The following KAZN variants were observed in gnomAD, a reference collection of about 807,000 sequenced individuals.
The protein encoded by KAZN is kazrin.
Under a neutral mutation model 87.4 loss-of-function variants are expected in KAZN, and 40 were observed. That is an observed-to-expected ratio of 0.46 (90% CI 0.36 to 0.60). KAZN has a LOEUF of 0.60. KAZN is among the 20% of genes least tolerant of loss of function. KAZN has a pLI of 0.00. For missense variants in KAZN, 898 were observed against 1,073.9 expected (o/e 0.84, Z 2.29); for synonymous variants, 466 against 458.3 (o/e 1.02, Z -0.22).
At chr1:13,893,184 TCGCG>T (rs1557703980) in exon 1 of KAZN, 1 of 152,288 alleles carries the variant, frequency 6.6e-6, no homozygotes, top group Non-Finnish European at 1.5e-5. Context: ...TGGGGCAGCC[TCGCG>T]CCCTGCCTGC....
chr1:14,676,804 G>T (rs1640249875), intron 1 of KAZN, among the ~76,000 whole-genome samples: 1 of 152,146 alleles, frequency 6.6e-6, no homozygotes, highest in South Asian at 2.1e-4. Context: ...GGGGAGGGGA[G>T]AATGGGGAGT....
chr1:14,422,833 C>T (rs1665511100), intron 2 of KAZN, among the ~76,000 whole-genome samples: 1 of 152,142 alleles, frequency 6.6e-6, no homozygotes, highest in African/African-American at 2.4e-5. Context: ...TTCTAATCCC[C>T]AAGGCTTTCC....
At chr1:14,883,846 A>G (rs1316388492) in intron 1 of KAZN, among the ~76,000 whole-genome samples, 2 of 152,170 alleles carry the variant, frequency 1.3e-5, no homozygotes, top group African/African-American at 2.4e-5. Flanking sequence ...TCTTTAAATC[A>G]TCAAACACCC....
At chr1:14,502,512 C>G (rs1670313462) in intron 2 of KAZN, among the ~76,000 whole-genome samples, 1 of 152,064 alleles carries the variant, frequency 6.6e-6, no homozygotes, top group Non-Finnish European at 1.5e-5. Context: ...GGTAGAGAAA[C>G]CATGAGCTCT....
At chr1:14,095,234 C>A (rs542961767) in intron 1 of KAZN, among the ~76,000 whole-genome samples, 2 of 152,328 alleles carry the variant, frequency 1.3e-5, no homozygotes, top group Admixed American at 1.3e-4. Context: ...ACTGGGAGAG[C>A]CACATGGCCC....
chr1:14,133,101 G>A lies in KAZN; in HGVS notation c.92-47334G>A, dbSNP rs151032872. ...ATGGGGGATTTGGCTAGGCGCAGTG[G>A]CTCACGCCTGTAATCCCAGCACTTT... On this transcript the variant is annotated intron_variant, in intron 1 of 16. Transcript: ENST00000636203. Among the ~76,000 whole-genome samples, 1,199 of 152,244 alleles carry A rather than the reference G, an allele frequency of 7.9e-3. 48 individuals carry two copies. The highest frequency in any genetic ancestry group is 0.07 in the Admixed American group (1,075 of 15,294).
Position 13,965,310 on chromosome 1 carries a change from C to T in KAZN, c.91+71554C>T, listed in dbSNP as rs146000530. Among the ~76,000 whole-genome samples, 3 of 152,254 alleles carry T rather than the reference C, an allele frequency of 2.0e-5. No individual in the cohort carries two copies. In the East Asian group the frequency reaches 5.8e-4, roughly 29 times the overall value. ...TGGGGAGGAGATGGTGACTCACGCC[C>T]TGGGAAATTCACAGCACCTGCCCCT... On this transcript the variant is annotated intron_variant, in intron 1 of 16. Transcript: ENST00000636203.
chr1:14,463,616 C>G (rs1395730502), intron 2 of KAZN, among the ~76,000 whole-genome samples: 3 of 152,122 alleles, frequency 2.0e-5, no homozygotes, highest in Non-Finnish European at 4.4e-5. Flanking sequence ...ATTATACTCT[C>G]TCAAGATTTT....
chr1:14,178,252 T>C (rs796078218), intron 1 of KAZN, among the ~76,000 whole-genome samples: 3 of 152,328 alleles, frequency 2.0e-5, no homozygotes, highest in African/African-American at 7.2e-5. Flanking sequence ...ACCCAGTCTC[T>C]CCGATGTTTC....
At chr1:14,980,646 G>T (rs1666145274) in intron 2 of KAZN, among the ~76,000 whole-genome samples, 1 of 152,142 alleles carries the variant, frequency 6.6e-6, no homozygotes, top group Non-Finnish European at 1.5e-5. Context: ...GATTTGCGAG[G>T]ACACAACAGG....
intron 1 of KAZN, among the ~76,000 whole-genome samples, chr1:14,905,918 C>T (rs1040594411): frequency 6.7e-6 from 1 of 149,642 alleles, no homozygotes; most frequent in African/African-American, 2.5e-5. Flanking sequence ...CCTGTAATCA[C>T]AGCACTTTGG....
At chr1:14,123,028 T>C (rs1021969906) in intron 1 of KAZN, among the ~76,000 whole-genome samples, 7 of 152,156 alleles carry the variant, frequency 4.6e-5, no homozygotes, top group Admixed American at 3.9e-4. Context: ...AATTTTAAAA[T>C]CCAGAAAAGA....
intron 1 of KAZN, among the ~76,000 whole-genome samples, chr1:14,850,657 C>T (rs576514475): frequency 2.0e-5 from 3 of 152,268 alleles, no homozygotes; most frequent in African/African-American, 7.2e-5. Flanking sequence ...ATCTTTTTTG[C>T]AGCTCCAGCA....
chr1:14,800,623 G>T (rs1645979506), intron 1 of KAZN, among the ~76,000 whole-genome samples: 2 of 152,192 alleles, frequency 1.3e-5, no homozygotes, highest in Admixed American at 6.5e-5. Context: ...AGGATCGCTT[G>T]AGCCTGGGAG....
intron 2 of KAZN, among the ~76,000 whole-genome samples, chr1:14,995,108 A>G (rs1043084360): frequency 6.6e-6 from 1 of 152,140 alleles, no homozygotes; most frequent in African/African-American, 2.4e-5. Flanking sequence ...GCCCTGGAGG[A>G]AGAGGGGAGC....
In KAZN at chr1:14,746,781, G is replaced by A. The variant is rs540342571; in HGVS notation, c.226+147558G>A. 1.2e-4 allele frequency among the ~76,000 whole-genome samples: 18 copies of A among 152,320 alleles called. 1 individual carries two copies. The South Asian group carries it at 3.7e-3, about 32-fold the overall frequency. On this transcript the variant is annotated intron_variant, in intron 1 of 14. Transcript: ENST00000376030. ...GTCTCTGTACCAGAACAAGGTCAAA[G>A]TAGTCGTCTAGAGATGTCACTGCTG...
chr1:14,168,926 C>T (rs965012641), intron 1 of KAZN, among the ~76,000 whole-genome samples: 2 of 152,194 alleles, frequency 1.3e-5, no homozygotes, highest in Non-Finnish European at 2.9e-5. Context: ...ATAGCAGCTG[C>T]TGTTAGTAGT....
chr1:14,723,004 T>A (rs1643196538), intron 1 of KAZN, among the ~76,000 whole-genome samples: 1 of 152,078 alleles, frequency 6.6e-6, no homozygotes, highest in Non-Finnish European at 1.5e-5. Context: ...TGTGCACCTG[T>A]GTTTCCAGCT....
chr1:14,921,489 T>C (rs184347476), intron 1 of KAZN, among the ~76,000 whole-genome samples: 83 of 152,326 alleles, frequency 5.4e-4, no homozygotes, highest in African/African-American at 1.9e-3. Context: ...AAAATCCATA[T>C]TCCTAGTAGT....
Sources: allele counts gnomAD v4.1 joint callset (sites outside exome capture counted in the v4.1 genomes callset), GRCh38; gene constraint gnomAD v4.1.1; transcripts MANE v1.5; gene names NCBI Gene and HGNC (gene_info 2026-07-23, HGNC 2026-07-21).